FAT3: variants seen among roughly 807,000 people sequenced by gnomAD.
FAT3 encodes the protein protocadherin Fat 3.
A neutral mutation model predicts 310.2 loss-of-function variants in FAT3; 95 were observed. The ratio of observed to expected loss-of-function variants is 0.31; its 90% confidence interval spans 0.26 to 0.36. The LOEUF (loss-of-function observed/expected upper bound fraction) is 0.36, where lower values mean the gene tolerates loss of function less well. FAT3 is among the 10% of genes least tolerant of loss of function. The pLI, the probability that FAT3 is intolerant of heterozygous loss-of-function variation, is 1.00. For synonymous variants in FAT3, 2,314 were observed against 2,192.9 expected (o/e 1.06, Z -1.54); for missense variants, 5,408 against 5,715.6 (o/e 0.95, Z 1.74).
chr11:92,547,858 T>C (rs1190532296), intron 3 of FAT3, among the ~76,000 whole-genome samples: 1 of 151,962 alleles, frequency 6.6e-6, no homozygotes. Context: ...GGAACTAGAG[T>C]TTGGTCTAGA....
chr11:92,421,161 G>C (rs1200138886), intron 2 of FAT3, among the ~76,000 whole-genome samples: 2 of 152,120 alleles, frequency 1.3e-5, no homozygotes, highest in South Asian at 4.1e-4. Flanking sequence ...TAATTCTTCA[G>C]TTTTTTGTCA....
chr11:92,484,687 G>T (rs1051318913), intron 2 of FAT3, among the ~76,000 whole-genome samples: 3 of 152,202 alleles, frequency 2.0e-5, no homozygotes, highest in African/African-American at 7.2e-5. Flanking sequence ...CTTATTGTTT[G>T]TAAGTTAGAT....
intron 3 of FAT3, among the ~76,000 whole-genome samples, chr11:92,568,083 A>G (rs1955534655): frequency 6.6e-6 from 1 of 152,122 alleles, no homozygotes; most frequent in Admixed American, 6.6e-5. Flanking sequence ...CAATCCGCAA[A>G]TATTTATTGA....
At chr11:92,759,227 A>T (rs913484676) in intron 4 of FAT3, among the ~76,000 whole-genome samples, 2 of 152,206 alleles carry the variant, frequency 1.3e-5, no homozygotes, top group African/African-American at 4.8e-5. Flanking sequence ...GAGACTGTTC[A>T]AGTAGGACCT....
Position 92,882,921 on chromosome 11 carries a change from C to T in FAT3, c.12465C>T (p.Leu4155=), listed in dbSNP as rs1591851438. Residue 4155 remains leucine, a synonymous_variant, in exon 24 of 28, where the codon CTC becomes CTT. Coordinates refer to ENST00000525166, the MANE Select transcript of FAT3 (RefSeq NM_001367949.2). Reference sequence around the variant, plus strand: ...ACTCCTACGTGGGGAAGGAGGAGCTCATCGGCATCGCCGTGGTCCTCTTCG... The same window carrying T: ...ACTCCTACGTGGGGAAGGAGGAGCTTATCGGCATCGCCGTGGTCCTCTTCG... ...AGHSYVGKEE[L]IGIAVVLFVI... 6.2e-7 allele frequency: 1 copy of T among 1,612,982 alleles called. No homozygotes were observed. The highest frequency in any genetic ancestry group is 8.5e-7 in the Non-Finnish European group (1 of 1,179,518).
chr11:92,528,043 C>T (rs183943615), intron 3 of FAT3, among the ~76,000 whole-genome samples: 17 of 152,254 alleles, frequency 1.1e-4, no homozygotes, highest in Admixed American at 4.6e-4. Context: ...TTAACGCCAA[C>T]GCAAATAATG....
At position 92,857,250 on chromosome 11, in the gene FAT3, A is replaced by G. The variant is rs1414898749; in HGVS notation, c.11402A>G (p.Glu3801Gly). The change falls in exon 20 of 28, where the codon GAG becomes GGG. Residue 3801 changes from glutamate (E) to glycine (G), a missense_variant. Physicochemically the swap from Glu to Gly is moderately conservative, Grantham distance 98. This residue lies in a region of FAT3 where 4,588 missense variants were observed against 4,809.8 expected (regional missense o/e 0.95). Coordinates refer to ENST00000525166, the MANE Select transcript of FAT3 (RefSeq NM_001367949.2). ...CCGGGGTCCAACGATCCTTGTGTGGAGAAGCCGTGTCCAGGGGACATGCAG... is the reference window on the plus strand; with the variant it reads ...CCGGGGTCCAACGATCCTTGTGTGGGGAAGCCGTGTCCAGGGGACATGCAG... ...LCPGSNDPCV[E>G]KPCPGDMQCV... 2.5e-6 allele frequency: 4 copies of G among 1,613,848 alleles called. No individual in the cohort carries two copies. Among genetic ancestry groups the G allele is most frequent in the Non-Finnish European group, 2.5e-6 (3 of 1,179,894 alleles).
chr11:92,331,662 G>A (rs10830895), intron 1 of FAT3, among the ~76,000 whole-genome samples: 21,384 of 152,108 alleles, frequency 0.14, 3,027 homozygotes, highest in African/African-American at 0.36. Flanking sequence ...CTTTGGCTTT[G>A]TGAATGTCCT....
intron 3 of FAT3, among the ~76,000 whole-genome samples, chr11:92,666,338 G>T (rs1048120530): frequency 6.7e-5 from 10 of 149,236 alleles, no homozygotes; most frequent in African/African-American, 2.5e-4. Context: ...CCATAATTAT[G>T]AATCAATTTG....
In FAT3 at chr11:92,801,235, G is replaced by A. The variant is rs757923548; in HGVS notation, c.8222G>A (p.Ser2741Asn). ...TTGCCCAGTCAGAATGTCTGGTTCAGCACAGTTAATGGGGAACGGCCAGAA... is the reference window on the plus strand; with the variant it reads ...TTGCCCAGTCAGAATGTCTGGTTCAACACAGTTAATGGGGAACGGCCAGAA... ...RILPSQNVWF[S>N]TVNGERPENN... is the part of the protein sequence containing the mutation. Residue 2741 changes from serine (S) to asparagine (N), a missense_variant, in exon 10 of 28, where the codon AGC becomes AAC. Physicochemically the swap from Ser to Asn is conservative, Grantham distance 46. Around this residue, in one of 5 missense-constraint regions of FAT3, gnomAD observed 4,588 missense variants for 4,809.8 expected, o/e 0.95. Coordinates refer to ENST00000525166, the MANE Select transcript of FAT3 (RefSeq NM_001367949.2). 3.7e-6 allele frequency: 6 copies of A among 1,613,866 alleles called. No homozygotes were observed. Among genetic ancestry groups the A allele is most frequent in the South Asian group, 3.3e-5 (3 of 91,066 alleles).
chr11:92,394,488 C>T (rs946852960), intron 2 of FAT3, among the ~76,000 whole-genome samples: 1 of 152,092 alleles, frequency 6.6e-6, no homozygotes, highest in Admixed American at 6.6e-5. Flanking sequence ...ACCCTTTCCA[C>T]CACCAGTTAG....
rs398017104 is a variant in FAT3, at chr11:92,416,071, TAA to T, written c.3292+60689_3292+60690del. Among the ~76,000 whole-genome samples the T allele has an allele frequency of 3.4e-3, 248 of 73,882 alleles. 1 individual carries two copies. The highest frequency in any genetic ancestry group is 0.012 in the African/African-American group (231 of 18,962). 48.5% of individuals were successfully genotyped at this position (73,882 alleles called of 152,430 possible). A position where few individuals can be genotyped will look rare whatever the true frequency, so the allele number is the denominator to read the frequency against. On this transcript the variant is annotated intron_variant, in intron 2 of 27. Coordinates refer to ENST00000525166, the MANE Select transcript of FAT3 (RefSeq NM_001367949.2). ...CCACACAGGCAGTCTCCTGGAAGCC[TAA>T]AAAAAAAAAAAAAAAAAAAAAGTCC...
intron 3 of FAT3, among the ~76,000 whole-genome samples, chr11:92,610,851 A>G (rs1279813585): frequency 6.6e-6 from 1 of 152,164 alleles, no homozygotes; most frequent in Admixed American, 6.5e-5. Context: ...GGAAGGGATG[A>G]TTGAGTGCAT....
At chr11:92,289,053 C>T (rs1946625977) in intron 1 of FAT3, among the ~76,000 whole-genome samples, 1 of 152,082 alleles carries the variant, frequency 6.6e-6, no homozygotes, top group Non-Finnish European at 1.5e-5. Context: ...GGCTGGGGGT[C>T]AGAGGACTAG....
chr11:92,283,829 G>A (rs190031434), intron 1 of FAT3, among the ~76,000 whole-genome samples: 28 of 152,070 alleles, frequency 1.8e-4, no homozygotes, highest in East Asian at 1.7e-3. Context: ...TTGAGATGCC[G>A]CACCAGACAT....
chr11:92,830,316 G>A (rs1948211085), intron 13 of FAT3, among the ~76,000 whole-genome samples: 1 of 152,150 alleles, frequency 6.6e-6, no homozygotes, highest in African/African-American at 2.4e-5. Context: ...TAATTAATTG[G>A]TTGTTAATAG....
intron 1 of FAT3, among the ~76,000 whole-genome samples, chr11:92,349,379 G>A (rs1242688312): frequency 6.6e-6 from 1 of 152,066 alleles, no homozygotes; most frequent in African/African-American, 2.4e-5. Flanking sequence ...AGACTCCTGA[G>A]GCATACAAAA....
intron 2 of FAT3, among the ~76,000 whole-genome samples, chr11:92,473,105 T>C (rs1951952907): frequency 6.6e-6 from 1 of 152,142 alleles, no homozygotes; most frequent in Non-Finnish European, 1.5e-5. Flanking sequence ...CCTGTGCCTC[T>C]GTACATATCA....
rs1050896702 is a variant in FAT3 at position 92,896,245 on chromosome 11, G to A, written c.*5132G>A. On this transcript the variant is annotated 3_prime_UTR_variant, in exon 28 of 28. Transcript: ENST00000525166. ...ACTTAGAGTGGATTTTGTCCCTTAA[G>A]GAAATGGATTGTTCCTGCATATATT... 7 of 151,308 alleles carry A rather than the reference G, an allele frequency of 4.6e-5. No individual in the cohort carries two copies. Among genetic ancestry groups the A allele is most frequent in the Non-Finnish European group, 1.0e-4 (7 of 67,934 alleles). The allele number at this position is 151,308 out of a possible 1,614,324, so 9.4% of individuals were successfully genotyped here.
Sources: allele counts gnomAD v4.1 joint callset (sites outside exome capture counted in the v4.1 genomes callset), GRCh38; gene constraint gnomAD v4.1.1; regional missense constraint gnomAD v4.1.1; transcripts MANE v1.5; gene names NCBI Gene and HGNC (gene_info 2026-07-23, HGNC 2026-07-21).